The following CROCC variants were observed in gnomAD, a reference collection of about 807,000 sequenced individuals.
CROCC encodes the protein rootletin.
A neutral mutation model predicts 245.2 loss-of-function variants in CROCC; 180 were observed. The ratio of observed to expected loss-of-function variants is 0.73; its 90% confidence interval spans 0.65 to 0.83. The LOEUF (loss-of-function observed/expected upper bound fraction) is 0.83. Among genes scored for constraint, CROCC ranks in the 40% least tolerant of loss-of-function variants. CROCC has a pLI of 0.00. For synonymous variants in CROCC, 1,205 were observed against 1,241.6 expected, an observed-to-expected ratio of 0.97 and a Z score of 0.62; for missense variants, 2,688 against 2,779.4, an observed-to-expected ratio of 0.97 and a Z score of 0.74.
intron 2 of CROCC, among the ~76,000 whole-genome samples, chr1:16,923,674 CTTTTTTTTTTTTTT>C (rs61063425): frequency 9.7e-6 from 1 of 103,498 alleles, no homozygotes; most frequent in Non-Finnish European, 1.9e-5. Flanking sequence ...ACTATTCTAC[CTTTTTTTTTTTTTT>C]TTTTTTTTTT....
At chr1:16,936,947 AG>A (rs1463902077) in intron 9 of CROCC, 74 bp downstream of exon 9, 34 of 1,453,920 alleles carry the variant, frequency 2.3e-5, no homozygotes, top group African/African-American at 4.1e-5. Flanking sequence ...GGGAGAAGGG[AG>A]CATCTGTTCA....
chr1:16,970,786 C>T lies in CROCC; in HGVS notation c.5784+19C>T, dbSNP rs764648570. Reference sequence around the variant, plus strand: ...GCTGGAGGTCTGACCCCACCCAGTCCGGGACCCCAACTTCATCCCTAGTAT... The same window carrying T: ...GCTGGAGGTCTGACCCCACCCAGTCTGGGACCCCAACTTCATCCCTAGTAT... On this transcript the variant is annotated intron_variant, in intron 35 of 36. Transcript: ENST00000375541. 4.1e-5 allele frequency: 63 copies of T among 1,550,458 alleles called. No individual in the cohort carries two copies. Among genetic ancestry groups the T allele is most frequent in the Non-Finnish European group, 4.8e-5 (55 of 1,151,944 alleles).
Position 16,966,062 on chromosome 1 carries a change from G to A in CROCC, c.4639G>A (p.Asp1547Asn). The A allele has an allele frequency of 6.2e-7, 1 of 1,613,964 alleles. No homozygotes were observed. Among genetic ancestry groups the A allele is most frequent in the Non-Finnish European group, 8.5e-7 (1 of 1,179,844 alleles). The change falls in exon 29 of 37, where the codon GAC (aspartate) becomes AAC (asparagine). Residue 1547 changes from aspartate (D) to asparagine (N), a missense_variant. By Grantham distance (23) the Asp-to-Asn change is conservative. Transcript: ENST00000375541. The surrounding 1 kb of genome is among the most constrained non-coding windows in gnomAD (Gnocchi z 4.8). ...GCTGGCCGAGATGGAGGCTGAGAGG[G>A]ACAGCGCAACCTCGAGGGCCAGGCA... ...RQLAEMEAER[D>N]SATSRARQLQ...
At position 16,954,873 on chromosome 1, in the gene CROCC, G is replaced by A. The variant is rs140603287; in HGVS notation, c.3461G>A (p.Arg1154His). Residue 1154 changes from arginine (R) to histidine (H), a missense_variant, in exon 23 of 37, where the codon CGC becomes CAC. Transcript: ENST00000375541. This position sits in a 1 kb window ranked among gnomAD's most constrained non-coding sequence, Gnocchi z 4.4. ...DLGKQRDSCLREAEELRTQLR... is the reference protein window; with the variant it reads ...DLGKQRDSCLHEAEELRTQLR... The stretch of plus-strand genomic sequence containing the variant: ...GGCAAGCAGCGGGACTCCTGTCTTC[G>A]CGAGGTGAGCAGCCGCCCCCCTCTT... 1.7e-4 allele frequency: 256 copies of A among 1,527,286 alleles called. 3 individuals are homozygous for A. The East Asian group carries it at 2.9e-3, about 17-fold the overall frequency. 94.6% of individuals were successfully genotyped at this position (1,527,286 alleles called of 1,614,324 possible).
chr1:16,932,386 G>A (rs1389346245), intron 8 of CROCC, among the ~76,000 whole-genome samples: 1 of 152,272 alleles, frequency 6.6e-6, no homozygotes, highest in Non-Finnish European at 1.5e-5. Flanking sequence ...GTTGCGGTGA[G>A]CCGAGATCTC....
At chr1:16,914,565 C>A (rs1455208007) in intron 1 of CROCC, among the ~76,000 whole-genome samples, 1 of 152,270 alleles carries the variant, frequency 6.6e-6, no homozygotes, top group African/African-American at 2.4e-5. Flanking sequence ...GCAGCCCTGC[C>A]GAGTCGGAAG....
upstream of CROCC, among the ~76,000 whole-genome samples, chr1:16,920,289 G>A (rs2075376845): frequency 1.3e-5 from 2 of 152,256 alleles, no homozygotes; most frequent in African/African-American, 4.8e-5. Flanking sequence ...ATGTAGGCCA[G>A]GATGGTCTTA....
intron 13 of CROCC, chr1:16,940,902 C>T (rs373257863): frequency 3.1e-3 from 1,331 of 423,678 alleles, no homozygotes; most frequent in South Asian, 0.022. Flanking sequence ...GATATGGGAC[C>T]GAAGCCTGAG....
intron 1 of CROCC, 122 bp from the exon 2 acceptor site, chr1:16,922,541 C>T (rs2075430779): frequency 1.4e-6 from 2 of 1,379,374 alleles, no homozygotes; most frequent in African/African-American, 2.9e-5. Context: ...CCAGGCTTCA[C>T]TCCATCTTGA....
Position 16,969,792 on chromosome 1 carries a change from T to C in CROCC, c.5309T>C (p.Leu1770Pro). ...EHDRQVLQER[L>P]DAARQALSEA... is the part of the protein sequence containing the mutation. The stretch of plus-strand genomic sequence containing the variant: ...TCAGCCCCTGTCCCCCAGGAACGGC[T>C]GGATGCCGCCCGGCAGGCATTATCT... The change falls in exon 33 of 37, where the codon CTG (leucine) becomes CCG (proline). Residue 1770 changes from leucine to proline, a missense_variant. Physicochemically the swap from Leu to Pro is moderately conservative, Grantham distance 98. Coordinates refer to ENST00000375541, the MANE Select transcript of CROCC (RefSeq NM_014675.5). 6.2e-7 allele frequency: 1 copy of C among 1,612,658 alleles called. No individual in the cohort carries two copies. Among genetic ancestry groups the C allele is most frequent in the Non-Finnish European group, 8.5e-7 (1 of 1,179,490 alleles).
At chr1:16,955,094 C>A (rs1003348972) in intron 23 of CROCC, among the ~76,000 whole-genome samples, 2 of 152,152 alleles carry the variant, frequency 1.3e-5, no homozygotes, top group African/African-American at 4.8e-5. Flanking sequence ...TCTCTGCCCT[C>A]TTGGTGTTGT....
Position 16,939,987 on chromosome 1 carries a change from G to A in CROCC, c.1702G>A (p.Glu568Lys), listed in dbSNP as rs202005267. The change falls in exon 13 of 37, where the codon GAA becomes AAA. Residue 568 changes from glutamate (E) to lysine (K), a missense_variant. By Grantham distance (56) the Glu-to-Lys change is moderately conservative. Coordinates refer to ENST00000375541, the MANE Select transcript of CROCC (RefSeq NM_014675.5). ...CGAGAGCGAGCGGCGGGCCCTAGAGGAACAGCTGCAGCGCCTGCGGGACAA... is the reference window on the plus strand; with the variant it reads ...CGAGAGCGAGCGGCGGGCCCTAGAGAAACAGCTGCAGCGCCTGCGGGACAA... Reference protein sequence around the residue: ...DSESERRALEEQLQRLRDKTD... With the variant: ...DSESERRALEKQLQRLRDKTD... The A allele has an allele frequency of 7.5e-4, 1,209 of 1,612,228 alleles. No individual in the cohort carries two copies. Among genetic ancestry groups the A allele is most frequent in the Middle Eastern group, 2.6e-3 (14 of 5,332 alleles).
At chr1:16,926,003 C>G (rs1334930071) in intron 3 of CROCC, among the ~76,000 whole-genome samples, 1 of 152,268 alleles carries the variant, frequency 6.6e-6, no homozygotes, top group African/African-American at 2.4e-5. Context: ...CTAGCCCTGC[C>G]CCCAGGTTGG....
At chr1:16,956,564 TGGG>T (rs35318423) in intron 25 of CROCC, among the ~76,000 whole-genome samples, 1 of 152,162 alleles carries the variant, frequency 6.6e-6, no homozygotes, top group Non-Finnish European at 1.5e-5. Flanking sequence ...TTGACTCTGC[TGGG>T]GTAGTGAGAA....
At chr1:16,931,724 AG>A (rs1490762303) in intron 8 of CROCC, among the ~76,000 whole-genome samples, 11 of 152,242 alleles carry the variant, frequency 7.2e-5, no homozygotes, top group Non-Finnish European at 2.9e-5. Flanking sequence ...GTCACACAGT[AG>A]TACATAAGTG....
chr1:16,963,926 G>A (rs971890465), intron 27 of CROCC, among the ~76,000 whole-genome samples: 6 of 151,710 alleles, frequency 4.0e-5, no homozygotes, highest in Non-Finnish European at 8.8e-5. Context: ...CTCCTGAGTA[G>A]CTGGGACTAC....
intron 13 of CROCC, chr1:16,941,138 G>A (rs1325428541): frequency 1.7e-5 from 3 of 172,356 alleles, no homozygotes; most frequent in African/African-American, 7.2e-5. Context: ...TGGGATTACA[G>A]GCATAAGCCA....
In CROCC at chr1:16,961,097, C is replaced by A; in HGVS notation, c.4372C>A (p.Pro1458Thr). Residue 1458 changes from proline (P) to threonine (T), a missense_variant, in exon 27 of 37, where the codon CCC (proline) becomes ACC (threonine). By Grantham distance (38) the Pro-to-Thr change is conservative. Coordinates refer to ENST00000375541, the MANE Select transcript of CROCC (RefSeq NM_014675.5). ...GCCCAGCCCAGCCCCGCGGCCAGTG[C>A]CCGGTTCCCCTGCCCGGGACGCACC... ...RAPSPAPRPV[P>T]GSPARDAPAE... The A allele has an allele frequency of 1.5e-6, 2 of 1,364,014 alleles. No homozygotes were observed. The highest frequency in any genetic ancestry group is 2.7e-4 in the Middle Eastern group (1 of 3,658). The allele number at this position is 1,364,014 out of a possible 1,614,324, so 84.5% of individuals were successfully genotyped here.
rs1258872463 is a variant in CROCC, at chr1:16,938,273, G to A, written c.1291-127G>A. ...CTCGGGCCTGCTGTGGGGTCTACCA[G>A]GTGGCTGGCCTATGGACATGGCTTC... On this transcript the variant is annotated intron_variant, in intron 10 of 36. Transcript: ENST00000375541. The A allele has an allele frequency of 6.1e-6, 5 of 821,604 alleles. No homozygotes were observed. The Admixed American group carries it at 1.0e-4, about 17-fold the overall frequency. 50.9% of individuals were successfully genotyped at this position (821,604 alleles called of 1,614,324 possible).
Sources: gnomAD v4.1 joint callset for allele counts (sites outside exome capture counted in the v4.1 genomes callset) on GRCh38, gnomAD v4.1.1 for gene constraint, Gnocchi (gnomAD v3.1) non-coding constraint, MANE v1.5 for transcripts, NCBI Gene and HGNC (gene_info 2026-07-23, HGNC 2026-07-21) for gene names.